HDAC5: variants seen among roughly 807,000 people sequenced by gnomAD.
The protein encoded by HDAC5 is histone deacetylase 5, also known as antigen NY-CO-9.
Under a neutral mutation model 133.3 loss-of-function variants are expected in HDAC5, and 25 were observed. The observed-to-expected ratio is 0.19, with a 90% confidence interval of 0.14 to 0.26. The LOEUF (loss-of-function observed/expected upper bound fraction) is 0.26, where lower values mean the gene tolerates loss of function less well. Among genes scored for constraint, HDAC5 ranks in the 10% least tolerant of loss-of-function variants. The pLI, the probability that HDAC5 is intolerant of heterozygous loss-of-function variation, is 1.00. For synonymous variants in HDAC5, 589 were observed against 610.8 expected, an observed-to-expected ratio of 0.96 and a Z score of 0.53; for missense variants, 1,041 against 1,460.5, an observed-to-expected ratio of 0.71 and a Z score of 4.68.
intron 11 of HDAC5, among the ~76,000 whole-genome samples, chr17:44,091,027 G>A (rs1353052698): frequency 2.0e-5 from 3 of 152,194 alleles, no homozygotes; most frequent in African/African-American, 7.2e-5. Context: ...TAGAAATTAC[G>A]TATGTAGATT....
chr17:44,118,031 G>C (rs1251455321), intron 1 of HDAC5, among the ~76,000 whole-genome samples: 1 of 152,222 alleles, frequency 6.6e-6, no homozygotes, highest in East Asian at 1.9e-4. Context: ...CACCAAAGGA[G>C]AAAGTGCAGG....
At chr17:44,094,994 C>T (rs906634808) in intron 3 of HDAC5, among the ~76,000 whole-genome samples, 5 of 152,030 alleles carry the variant, frequency 3.3e-5, no homozygotes, top group African/African-American at 1.2e-4. Flanking sequence ...CAGGGTCTCA[C>T]TATGTTGCCC....
intron 5 of HDAC5, 39 bp downstream of exon 5, chr17:44,093,275 G>A (rs753370794): frequency 1.8e-5 from 28 of 1,581,798 alleles, no homozygotes; most frequent in Middle Eastern, 3.4e-4. Context: ...CAGGCATCAC[G>A]GGCGGGGCCC....
intron 12 of HDAC5, 129 bp from the exon 13 acceptor site, chr17:44,087,825 G>GT: frequency 2.5e-6 from 3 of 1,183,948 alleles, no homozygotes; most frequent in Non-Finnish European, 3.4e-6. Context: ...TTAGAAAAAG[G>GT]TGAGGTAGCT....
chr17:44,099,869 T>G lies in HDAC5; in HGVS notation c.95-6035A>C, dbSNP rs1301355660. ...CCCAGCTCACGAGCACAAGTGGCCA[T>G]GGGCAGTGCACCACCTGAGTGACAC... On this transcript the variant is annotated intron_variant, in intron 3 of 26. Transcript: ENST00000682912. 2.0e-5 allele frequency among the ~76,000 whole-genome samples: 3 copies of G among 152,276 alleles called. No homozygotes were observed. The East Asian group carries it at 5.8e-4, about 30-fold the overall frequency.
intron 11 of HDAC5, among the ~76,000 whole-genome samples, chr17:44,089,482 C>A (rs950685371): frequency 6.6e-6 from 1 of 152,184 alleles, no homozygotes; most frequent in Admixed American, 6.5e-5. Flanking sequence ...CAGTGGCTCA[C>A]GCCTGTAATT....
intron 3 of HDAC5, among the ~76,000 whole-genome samples, chr17:44,103,260 T>C (rs1447331857): frequency 6.6e-6 from 1 of 152,180 alleles, no homozygotes; most frequent in East Asian, 1.9e-4. Flanking sequence ...TCTGTGCTCT[T>C]GTGTGACTAG....
Position 44,098,222 on chromosome 17 carries a change from C to CGAGA in HDAC5, c.95-4389_95-4388insTCTC, listed in dbSNP as rs1336824445. Among the ~76,000 whole-genome samples, 3 of 152,224 alleles carry CGAGA rather than the reference C, an allele frequency of 2.0e-5. No individual in the cohort carries two copies. In the East Asian group the frequency reaches 5.8e-4, roughly 29 times the overall value. ...CCTGGAGCCTGGCGGGCCTTGCACT[C>CGAGA]TCTCAAGGATCTGTGCCCTCTGCCA... On this transcript the variant is annotated intron_variant, in intron 3 of 26. Transcript: ENST00000682912.
In HDAC5 at chr17:44,092,457, G is replaced by A. The variant is rs768042698; in HGVS notation, c.843C>T (p.Leu281=). Reference sequence around the variant, plus strand: ...TAACAGTCCCATCCTTGCGACGCAGGAGGGGACTGCTTCTCCGCTCAGCCA... The same window carrying A: ...TAACAGTCCCATCCTTGCGACGCAGAAGGGGACTGCTTCTCCGCTCAGCCA... The part of the protein sequence containing the change: ...QKVAERRSSP[L]LRRKDGTVIS... The change falls in exon 8 of 27, where the codon CTC becomes CTT. Residue 281 remains leucine (L), a synonymous_variant. Coordinates refer to ENST00000682912, the MANE Select transcript of HDAC5 (RefSeq NM_005474.5). 1.9e-6 allele frequency: 3 copies of A among 1,613,940 alleles called. No homozygotes were observed. Among genetic ancestry groups the A allele is most frequent in the African/African-American group, 1.3e-5 (1 of 74,936 alleles).
intron 3 of HDAC5, among the ~76,000 whole-genome samples, chr17:44,098,278 T>C (rs555770066): frequency 2.0e-5 from 3 of 152,254 alleles, no homozygotes; most frequent in African/African-American, 7.2e-5. Flanking sequence ...GTGGCAGCAG[T>C]TGCCATCAGC....
chr17:44,117,367 A>G lies in HDAC5; in HGVS notation c.22+127T>C. 9.5e-7 allele frequency: 1 copy of G among 1,049,000 alleles called. No individual in the cohort carries two copies. Among genetic ancestry groups the G allele is most frequent in the Non-Finnish European group, 1.5e-6 (1 of 671,446 alleles). 65.0% of individuals were successfully genotyped at this position (1,049,000 alleles called of 1,614,324 possible). A position where few individuals can be genotyped will look rare whatever the true frequency, so the allele number is the denominator to read the frequency against. On this transcript the variant is annotated intron_variant, in intron 2 of 26. Coordinates refer to ENST00000682912, the MANE Select transcript of HDAC5 (RefSeq NM_005474.5). The surrounding 1 kb of genome is among the most constrained non-coding windows in gnomAD (Gnocchi z 4.2). ...GGGCCCTTTCTTGCAACACTTCTCC[A>G]CTCCTTACCCCCTCATTCCCTTATA... is the stretch of plus-strand genomic sequence containing the variant.
chr17:44,078,478 G>T (rs772131905), intron 26 of HDAC5, 22 bp downstream of exon 26: 1 of 1,594,948 alleles, frequency 6.3e-7, no homozygotes, highest in African/African-American at 1.3e-5. Flanking sequence ...AGGGCAGAGA[G>T]GTGGTGCGGG....
At position 44,091,406 on chromosome 17, in the gene HDAC5, G is replaced by A. The variant is rs1214327270; in HGVS notation, c.1251C>T (p.Phe417=). 6.4e-7 allele frequency: 1 copy of A among 1,565,872 alleles called. No individual in the cohort carries two copies. The highest frequency in any genetic ancestry group is 8.7e-7 in the Non-Finnish European group (1 of 1,155,826). ...LRQGGTLTGK[F]MSTSSIPGCL... The stretch of plus-strand genomic sequence containing the variant: ...AGCCAGGAATAGAGGATGTGCTCAT[G>A]AACTTGCCGGTCAGCGTGCCACCCT... The change falls in exon 11 of 27, where the codon TTC becomes TTT. Residue 417 remains phenylalanine (F), a synonymous_variant. Coordinates refer to ENST00000682912, the MANE Select transcript of HDAC5 (RefSeq NM_005474.5).
intron 3 of HDAC5, among the ~76,000 whole-genome samples, chr17:44,100,875 G>A (rs1197339701): frequency 2.0e-5 from 3 of 148,958 alleles, no homozygotes; most frequent in Admixed American, 6.6e-5. Flanking sequence ...TGCAACCTCC[G>A]CCTTCTGGGT....
At chr17:44,083,951 C>T (rs2050520649) in intron 16 of HDAC5, 97 bp from the exon 17 acceptor site, 2 of 937,786 alleles carry the variant, frequency 2.1e-6, no homozygotes, top group Admixed American at 1.8e-5. Flanking sequence ...TGATGAAACC[C>T]CATCTCTACT....
intron 15 of HDAC5, 124 bp from the exon 16 acceptor site, chr17:44,084,799 T>G: frequency 7.4e-7 from 1 of 1,360,500 alleles, no homozygotes; most frequent in Non-Finnish European, 1.0e-6. Context: ...TTTCAGAAAG[T>G]AGATCCTGGC....
At chr17:44,106,653 C>T (rs1229731584) in intron 3 of HDAC5, among the ~76,000 whole-genome samples, 1 of 151,074 alleles carries the variant, frequency 6.6e-6, no homozygotes, top group Non-Finnish European at 1.5e-5. Flanking sequence ...TGCAATGGCG[C>T]AATCTCGACT....
At chr17:44,094,769 C>T (rs1015662157) in intron 3 of HDAC5, among the ~76,000 whole-genome samples, 10 of 150,690 alleles carry the variant, frequency 6.6e-5, no homozygotes, top group Admixed American at 1.3e-4. Context: ...TATATATATA[C>T]ACACACACAT....
intron 3 of HDAC5, among the ~76,000 whole-genome samples, chr17:44,105,099 A>C (rs2051851395): frequency 6.6e-6 from 1 of 152,172 alleles, no homozygotes; most frequent in Non-Finnish European, 1.5e-5. Flanking sequence ...CTCCCCACTA[A>C]AAAACAGAAG....
Sources: allele counts gnomAD v4.1 joint callset (sites outside exome capture counted in the v4.1 genomes callset), GRCh38; gene constraint gnomAD v4.1.1; non-coding constraint Gnocchi (gnomAD v3.1); transcripts MANE v1.5; gene names NCBI Gene and HGNC (gene_info 2026-07-23, HGNC 2026-07-21).